The following ADAMTS3 variants were observed in gnomAD, a reference collection of about 807,000 sequenced individuals.
ADAMTS3 encodes the protein A disintegrin and metalloproteinase with thrombospondin motifs 3.
A neutral mutation model predicts 129.0 loss-of-function variants in ADAMTS3; 73 were observed. The ratio of observed to expected loss-of-function variants is 0.57; its 90% CI spans 0.47 to 0.69. The LOEUF is 0.69. Among genes scored for constraint, ADAMTS3 ranks in the 30% least tolerant of loss-of-function variants. The pLI is 0.00. For synonymous variants in ADAMTS3, 477 were observed against 510.8 expected, an observed-to-expected ratio of 0.93 and a Z score of 0.89; for missense variants, 1,457 against 1,514.5, an observed-to-expected ratio of 0.96 and a Z score of 0.63.
chr4:72,484,707 T>C (rs929583785), intron 3 of ADAMTS3, among the ~76,000 whole-genome samples: 1 of 152,324 alleles, frequency 6.6e-6, no homozygotes, highest in Admixed American at 6.5e-5. Flanking sequence ...ATAGGCAGCA[T>C]GGCGGAAGTG....
chr4:72,296,435 C>T (rs893058815), intron 18 of ADAMTS3, among the ~76,000 whole-genome samples: 10 of 151,956 alleles, frequency 6.6e-5, no homozygotes. Flanking sequence ...GAGGGTCTCT[C>T]AAACATCAAC....
chr4:72,497,851 T>G (rs1719908361), intron 3 of ADAMTS3, among the ~76,000 whole-genome samples: 1 of 152,038 alleles, frequency 6.6e-6, no homozygotes, highest in Admixed American at 6.6e-5. Context: ...AATTAAAAAC[T>G]TATTTCTGAA....
chr4:72,533,801 G>C (rs1328418359), intron 3 of ADAMTS3, among the ~76,000 whole-genome samples: 1 of 151,922 alleles, frequency 6.6e-6, no homozygotes, highest in Non-Finnish European at 1.5e-5. Flanking sequence ...CAAGTACACA[G>C]AGCTTATTCA....
intron 18 of ADAMTS3, among the ~76,000 whole-genome samples, chr4:72,297,399 C>G (rs922892336): frequency 3.3e-5 from 5 of 152,064 alleles, no homozygotes; most frequent in African/African-American, 1.2e-4. Flanking sequence ...ATTCTTCCCT[C>G]AAGAAAACAC....
intron 3 of ADAMTS3, among the ~76,000 whole-genome samples, chr4:72,539,276 T>A (rs1578777086): frequency 6.6e-6 from 1 of 151,964 alleles, no homozygotes; most frequent in African/African-American, 2.4e-5. Flanking sequence ...AAGAGATTAA[T>A]ATCCAGAATA....
intron 4 of ADAMTS3, among the ~76,000 whole-genome samples, chr4:72,411,471 A>G (rs183972004): frequency 8.5e-5 from 13 of 152,152 alleles, no homozygotes; most frequent in Admixed American, 7.9e-4. Flanking sequence ...TGTGCAGTGT[A>G]TACCTTCAGA....
chr4:72,378,948 C>T (rs986603946), intron 4 of ADAMTS3, among the ~76,000 whole-genome samples: 1 of 152,124 alleles, frequency 6.6e-6, no homozygotes, highest in African/African-American at 2.4e-5. Flanking sequence ...GGTCGCAGTT[C>T]TCTTGCCAGA....
intron 4 of ADAMTS3, among the ~76,000 whole-genome samples, chr4:72,348,755 G>A (rs1033693864): frequency 6.6e-6 from 1 of 151,674 alleles, no homozygotes; most frequent in Non-Finnish European, 1.5e-5. Flanking sequence ...CTCTGGAGAT[G>A]GATGGATTCT....
chr4:72,289,410 C>T (rs535828028), intron 20 of ADAMTS3, among the ~76,000 whole-genome samples: 1 of 152,280 alleles, frequency 6.6e-6, no homozygotes, highest in Non-Finnish European at 1.5e-5. Context: ...ATCCTTGGAA[C>T]TACTATTTCT....
At chr4:72,440,412 T>C (rs1718081448) in intron 3 of ADAMTS3, among the ~76,000 whole-genome samples, 1 of 151,830 alleles carries the variant, frequency 6.6e-6, no homozygotes, top group Non-Finnish European at 1.5e-5. Flanking sequence ...AGTAAAGTTG[T>C]TGCATAGGGG....
chr4:72,540,651 A>G (rs1721297521), intron 3 of ADAMTS3, among the ~76,000 whole-genome samples: 2 of 152,152 alleles, frequency 1.3e-5, no homozygotes, highest in Non-Finnish European at 2.9e-5. Context: ...CAGCGTTGTC[A>G]TGCTGTGTGC....
At chr4:72,542,696 C>T (rs1409826962) in intron 3 of ADAMTS3, among the ~76,000 whole-genome samples, 4 of 152,106 alleles carry the variant, frequency 2.6e-5, no homozygotes, top group Non-Finnish European at 4.4e-5. Flanking sequence ...CCCATGACTT[C>T]CTTTTCTCAT....
intron 17 of ADAMTS3, among the ~76,000 whole-genome samples, chr4:72,299,629 G>A (rs1718901624): frequency 6.6e-6 from 1 of 152,010 alleles, no homozygotes; most frequent in Admixed American, 6.6e-5. Flanking sequence ...GTGTATGAAA[G>A]TGGCCATTTG....
intron 4 of ADAMTS3, among the ~76,000 whole-genome samples, chr4:72,367,828 C>T (rs1179526442): frequency 2.2e-5 from 3 of 136,362 alleles, no homozygotes; most frequent in African/African-American, 5.6e-5. Flanking sequence ...CCAGCCTGGG[C>T]GACAAAGCAA....
chr4:72,341,940 T>G (rs1425579621), intron 4 of ADAMTS3, among the ~76,000 whole-genome samples: 4 of 152,152 alleles, frequency 2.6e-5, no homozygotes, highest in African/African-American at 9.7e-5. Context: ...AGAAAGACAG[T>G]AGGATAGCTT....
chr4:72,290,703 A>G (rs1156949909), intron 20 of ADAMTS3, 152 bp downstream of exon 20: 30 of 781,962 alleles, frequency 3.8e-5, no homozygotes, highest in South Asian at 2.0e-4. Flanking sequence ...GTCTTAAAGC[A>G]TTAATTTTTC....
At chr4:72,491,698 C>T (rs1039763176) in intron 3 of ADAMTS3, among the ~76,000 whole-genome samples, 1 of 151,656 alleles carries the variant, frequency 6.6e-6, no homozygotes, top group Non-Finnish European at 1.5e-5. Flanking sequence ...TTTTTGCATC[C>T]ATGTTCATCA....
At chr4:72,449,014 T>C (rs1718325361) in intron 3 of ADAMTS3, among the ~76,000 whole-genome samples, 1 of 151,686 alleles carries the variant, frequency 6.6e-6, no homozygotes, top group African/African-American at 2.4e-5. Context: ...TATCTACCTT[T>C]GTCTCACTCT....
At chr4:72,567,702 A>G (rs539950698) in intron 1 of ADAMTS3, among the ~76,000 whole-genome samples, 1 of 152,366 alleles carries the variant, frequency 6.6e-6, no homozygotes, top group Admixed American at 6.5e-5. Context: ...GGTCTGGATT[A>G]GAAAAGAAAG....
Sources: allele counts gnomAD v4.1 joint callset (sites outside exome capture counted in the v4.1 genomes callset), GRCh38; gene constraint gnomAD v4.1.1; transcripts MANE v1.5; gene names NCBI Gene and HGNC (gene_info 2026-07-23, HGNC 2026-07-21).